DYM: variants seen among roughly 807,000 people sequenced by gnomAD.
The protein encoded by DYM is dymeclin, also known as dyggve-Melchior-Clausen syndrome protein.
DYM carries 78 observed loss-of-function variants against 93.1 expected under a neutral mutation model. The observed-to-expected ratio is 0.84, with a 90% CI of 0.70 to 1.01. The LOEUF (loss-of-function observed/expected upper bound fraction) is 1.01, where lower values mean the gene tolerates loss of function less well. Among genes scored for constraint, DYM ranks in the 50% least tolerant of loss-of-function variants. The pLI is 0.00. For synonymous variants in DYM, 321 were observed against 319.7 expected, an observed-to-expected ratio of 1.00 and a Z score of -0.04; for missense variants, 789 against 845.0, an observed-to-expected ratio of 0.93 and a Z score of 0.82.
chr18:49,278,145 T>C (rs1169630241), intron 10 of DYM, among the ~76,000 whole-genome samples: 2 of 152,248 alleles, frequency 1.3e-5, no homozygotes, highest in Admixed American at 6.5e-5. Context: ...TAAAGGACTA[T>C]TAGTCCATCT....
rs555145746 is a variant in DYM at position 49,080,341 on chromosome 18, C to A, written c.2025+17061G>T. 1.3e-4 allele frequency among the ~76,000 whole-genome samples: 17 copies of A among 131,882 alleles called. No individual in the cohort carries two copies. In the South Asian group the frequency reaches 4.2e-3, roughly 33 times the overall value. The allele number at this position is 131,882 out of a possible 152,430, so 86.5% of individuals were successfully genotyped here. A position where few individuals can be genotyped will look rare whatever the true frequency, so the allele number is the denominator to read the frequency against. On this transcript the variant is annotated intron_variant, in intron 17 of 17. Coordinates refer to ENST00000675505, the MANE Select transcript of DYM (RefSeq NM_001353214.3). ...GTGGCTGGCCGGGCGGGGGGCTGAC[C>A]CCCCCCAACTCCCTCCCGGACGGGG... is the stretch of plus-strand genomic sequence containing the variant.
chr18:49,233,842 G>A (rs2093780207), intron 13 of DYM, among the ~76,000 whole-genome samples: 1 of 151,914 alleles, frequency 6.6e-6, no homozygotes, highest in Admixed American at 6.6e-5. Flanking sequence ...AAGAGTTAGT[G>A]CTGGCCGGGC....
intron 17 of DYM, among the ~76,000 whole-genome samples, chr18:49,045,666 A>G (rs1472952681): frequency 6.6e-6 from 1 of 152,180 alleles, no homozygotes; most frequent in Admixed American, 6.5e-5. Context: ...CAAAAAACCA[A>G]TAATAACAGG....
rs115625139 is a variant in DYM, at chr18:49,371,228, G to C, written c.421+7339C>G. On this transcript the variant is annotated intron_variant, in intron 5 of 17. Transcript: ENST00000675505. ...AATAAGATCAAACAAGGCTAAGTGT[G>C]GTGGCTCATGCCTATAATCCCAGTG... 3.4e-3 allele frequency among the ~76,000 whole-genome samples: 523 copies of C among 152,262 alleles called. 4 individuals are homozygous for C. The highest frequency in any genetic ancestry group is 0.012 in the African/African-American group (486 of 41,548).
At chr18:49,059,571 A>C (rs1308110036) in intron 17 of DYM, among the ~76,000 whole-genome samples, 1 of 152,160 alleles carries the variant, frequency 6.6e-6, no homozygotes. Context: ...GTTGATCCTT[A>C]GCTGTTTTCC....
At chr18:49,190,141 T>C (rs1168735066) in intron 14 of DYM, among the ~76,000 whole-genome samples, 2 of 152,252 alleles carry the variant, frequency 1.3e-5, no homozygotes, top group Admixed American at 6.5e-5. Context: ...TGATGCTCTC[T>C]GACTTGACCA....
At chr18:49,336,024 G>A (rs2063643024) in intron 6 of DYM, among the ~76,000 whole-genome samples, 1 of 152,104 alleles carries the variant, frequency 6.6e-6, no homozygotes, top group African/African-American at 2.4e-5. Context: ...ATGTTGCCCA[G>A]GCTGATCTGG....
intron 1 of DYM, among the ~76,000 whole-genome samples, chr18:49,441,292 A>ATATAT (rs1568454927): frequency 8.2e-5 from 3 of 36,366 alleles, no homozygotes; most frequent in South Asian, 7.0e-4. Flanking sequence ...AATTATATAT[A>ATATAT]ATATAATTAT....
At position 49,258,460 on chromosome 18, in the gene DYM, C is replaced by G. The variant is rs747528776; in HGVS notation, c.1285G>C (p.Val429Leu). The G allele has an allele frequency of 6.2e-7, 1 of 1,613,170 alleles. No individual in the cohort carries two copies. Among genetic ancestry groups the G allele is most frequent in the Non-Finnish European group, 8.5e-7 (1 of 1,179,184 alleles). The change falls in exon 12 of 18, where the codon GTT becomes CTT. Residue 429 changes from valine (V) to leucine (L), a missense_variant. Physicochemically the swap from Val to Leu is conservative, Grantham distance 32. This residue lies in a region of DYM where 225 missense variants were observed against 303.0 expected (regional missense o/e 0.74). Coordinates refer to ENST00000675505, the MANE Select transcript of DYM (RefSeq NM_001353214.3). ...LKNITWYSER[V>L]LTEISLGSLL... is the part of the protein sequence containing the mutation. ...CTCCCCAAGGAGATTTCAGTTAAAA[C>G]TCGTTCTGAATACCAAGTAATATTT...
chr18:49,415,680 C>A (rs1159352352), intron 2 of DYM, among the ~76,000 whole-genome samples: 1 of 151,942 alleles, frequency 6.6e-6, no homozygotes, highest in Non-Finnish European at 1.5e-5. Context: ...GTAATCCCAG[C>A]ACTTTTGGAG....
At chr18:49,183,542 T>G (rs1053833611) in intron 14 of DYM, among the ~76,000 whole-genome samples, 1 of 152,162 alleles carries the variant, frequency 6.6e-6, no homozygotes, top group Non-Finnish European at 1.5e-5. Context: ...AAAATGTAGC[T>G]TAGAAAAATA....
chr18:49,298,085 G>C (rs2060671375), intron 8 of DYM, among the ~76,000 whole-genome samples: 1 of 152,032 alleles, frequency 6.6e-6, no homozygotes, highest in Non-Finnish European at 1.5e-5. Flanking sequence ...GAAATATCTG[G>C]TGACTGCTAG....
intron 8 of DYM, among the ~76,000 whole-genome samples, chr18:49,325,263 C>G (rs1363877116): frequency 6.6e-6 from 1 of 152,178 alleles, no homozygotes; most frequent in Non-Finnish European, 1.5e-5. Context: ...CTGGAAAACC[C>G]AGGCTACTGA....
At chr18:49,416,476 A>G (rs140487329) in intron 2 of DYM, among the ~76,000 whole-genome samples, 304 of 152,304 alleles carry the variant, frequency 2.0e-3, no homozygotes, top group African/African-American at 7.0e-3. Context: ...CTGCTGCTAT[A>G]CTGCTCAGAG....
At chr18:49,189,259 T>G (rs371677724) in intron 14 of DYM, among the ~76,000 whole-genome samples, 4 of 152,192 alleles carry the variant, frequency 2.6e-5, no homozygotes, top group African/African-American at 9.6e-5. Flanking sequence ...CTCAGCATCA[T>G]GCAATATATC....
chr18:49,113,119 T>G (rs535267327), intron 16 of DYM, among the ~76,000 whole-genome samples: 1 of 152,220 alleles, frequency 6.6e-6, no homozygotes, highest in East Asian at 1.9e-4. Flanking sequence ...GATTTAACCT[T>G]GTTTAACAAT....
intron 16 of DYM, among the ~76,000 whole-genome samples, chr18:49,117,508 G>A (rs1599868650): frequency 1.3e-5 from 2 of 151,930 alleles, no homozygotes; most frequent in African/African-American, 4.8e-5. Context: ...GTGCCTGTTC[G>A]ATTCTTGTTA....
intron 16 of DYM, among the ~76,000 whole-genome samples, chr18:49,113,253 A>G (rs2081591555): frequency 6.6e-6 from 1 of 152,330 alleles, no homozygotes; most frequent in East Asian, 1.9e-4. Flanking sequence ...ACCTTACTAT[A>G]CAATGGTTAT....
At chr18:49,048,471 G>A (rs955918178) in intron 17 of DYM, 1 of 152,220 alleles carries the variant, frequency 6.6e-6, no homozygotes, top group Non-Finnish European at 1.5e-5. Context: ...TCAAAGATGT[G>A]AAAGCTTTTC....
Sources: allele counts gnomAD v4.1 joint callset (sites outside exome capture counted in the v4.1 genomes callset), GRCh38; gene constraint gnomAD v4.1.1; regional missense constraint gnomAD v4.1.1; transcripts MANE v1.5; gene names NCBI Gene and HGNC (gene_info 2026-07-23, HGNC 2026-07-21).